Variants in KCP observed in about 807,000 individuals in gnomAD.
KCP encodes kielin cysteine rich BMP regulator.
Under a neutral mutation model 212.7 loss-of-function variants are expected in KCP, and 194 were observed. That is an observed-to-expected ratio of 0.91 (90% CI 0.81 to 1.03). The LOEUF is 1.03. Among genes scored for constraint, KCP ranks in the 50% least tolerant of loss-of-function variants. KCP has a pLI of 0.00. For missense variants in KCP, 2,080 were observed against 2,162.5 expected (o/e 0.96, Z 0.76); for synonymous variants, 833 against 865.3 (o/e 0.96, Z 0.65).
intron 38 of KCP, 83 bp from the exon 39 acceptor site, chr7:128,877,873 C>A: frequency 7.9e-7 from 1 of 1,270,808 alleles, no homozygotes; most frequent in African/African-American, 1.5e-5. Context: ...CACTTCCCAC[C>A]CAGTCATTTG....
chr7:128,897,371 T>C (rs1794589820), intron 8 of KCP, among the ~76,000 whole-genome samples: 1 of 152,222 alleles, frequency 6.6e-6, no homozygotes, highest in Non-Finnish European at 1.5e-5. Context: ...TACTTTCTCT[T>C]GGTCTCTGCC....
rs1038749227 is a variant in KCP at position 128,881,969 on chromosome 7, G to C, written c.3292C>G (p.Pro1098Ala). Residue 1098 changes from proline (P) to alanine (A), a missense_variant, in exon 30 of 40, where the codon CCA becomes GCA. Physicochemically the swap from Pro to Ala is conservative, Grantham distance 27 (BLOSUM62 -1). Coordinates refer to ENST00000610776, the MANE Select transcript of KCP (RefSeq NM_001366122.1). ...SEGLLGSELA[P>A]PDPCYTCQCQ... ...TGGCACGTGTAGCAGGGGTCTGGTGGGGCTAGCTCAGATCCCAGCAGGCCC... is the reference window on the plus strand; with the variant it reads ...TGGCACGTGTAGCAGGGGTCTGGTGCGGCTAGCTCAGATCCCAGCAGGCCC... 6.4e-7 allele frequency: 1 copy of C among 1,551,204 alleles called. No individual in the cohort carries two copies. Among genetic ancestry groups the C allele is most frequent in the African/African-American group, 1.4e-5 (1 of 73,006 alleles).
In KCP at chr7:128,891,800, C is replaced by T. The variant is rs1201592533; in HGVS notation, c.1641G>A (p.Glu547=). ...PRCPDCILEE[E]VFVDGESFSH... is the part of the protein sequence containing the mutation. ...AGAAGCTCTCGCCGTCCACAAACACCTCTTCCTCCAGGATGCAGTCTGGGC... is the reference window on the plus strand; with the variant it reads ...AGAAGCTCTCGCCGTCCACAAACACTTCTTCCTCCAGGATGCAGTCTGGGC... The change falls in exon 17 of 40, where the codon GAG becomes GAA. Residue 547 remains glutamate (E), a synonymous_variant. Transcript: ENST00000610776. 20 of 1,448,258 alleles carry T rather than the reference C, an allele frequency of 1.4e-5. 1 individual carries two copies. The South Asian group carries it at 3.0e-4, about 21-fold the overall frequency. The allele number at this position is 1,448,258 out of a possible 1,614,324, so 89.7% of individuals were successfully genotyped here. A position where few individuals can be genotyped will look rare whatever the true frequency, so the allele number is the denominator to read the frequency against.
Position 128,881,009 on chromosome 7 carries a change from G to A in KCP, c.3501C>T (p.Ala1167=). ...CACCCCAGCTCACATGGCAGGTGCAGGCGATGCACGCATTGCTGGGGTCCC... is the reference window on the plus strand; with the variant it reads ...CACCCCAGCTCACATGGCAGGTGCAAGCGATGCACGCATTGCTGGGGTCCC... The part of the protein sequence containing the change: ...SWRDPSNACI[A]CTCHRGHVEC... The change falls in exon 32 of 40, where the codon GCC becomes GCT. Residue 1167 remains alanine, a synonymous_variant. Transcript: ENST00000610776. The A allele has an allele frequency of 2.5e-6, 1 of 399,048 alleles. No individual in the cohort carries two copies. The allele number at this position is 399,048 out of a possible 1,614,324, so 24.7% of individuals were successfully genotyped here.
chr7:128,892,159 C>T (rs1167277072), intron 16 of KCP, among the ~76,000 whole-genome samples: 4 of 144,572 alleles, frequency 2.8e-5, no homozygotes, highest in Admixed American at 7.0e-5. Flanking sequence ...CGGCCTCCTA[C>T]GTGGCAGGCT....
intron 4 of KCP, 47 bp downstream of exon 4, chr7:128,907,054 G>A: frequency 2.0e-6 from 3 of 1,518,522 alleles, no homozygotes; most frequent in Non-Finnish European, 2.7e-6. Flanking sequence ...GGTAGCTGGA[G>A]AGAGGCAGAC....
intron 5 of KCP, among the ~76,000 whole-genome samples, chr7:128,904,638 T>C (rs1345131554): frequency 1.3e-5 from 2 of 152,196 alleles, no homozygotes; most frequent in Non-Finnish European, 2.9e-5. Context: ...GGCTGATTCC[T>C]TTACCTGGCA....
intron 4 of KCP, 99 bp downstream of exon 4, chr7:128,907,002 G>A: frequency 8.5e-7 from 1 of 1,175,828 alleles, no homozygotes. Context: ...GTGGCAGGCA[G>A]AGCCCATTAT....
chr7:128,891,554 A>G lies in KCP; in HGVS notation c.1796-21T>C. 2.6e-6 allele frequency: 4 copies of G among 1,543,890 alleles called. No individual in the cohort carries two copies. The East Asian group carries it at 7.3e-5, about 28-fold the overall frequency. ...ACAGCCTGGGGGAGGGAGGGGCTATAGCCTGGGAGAGGGCGACTGCCCCAG... is the reference window on the plus strand; with the variant it reads ...ACAGCCTGGGGGAGGGAGGGGCTATGGCCTGGGAGAGGGCGACTGCCCCAG... On this transcript the variant is annotated intron_variant, in intron 17 of 39. Coordinates refer to ENST00000610776, the MANE Select transcript of KCP (RefSeq NM_001366122.1).
Position 128,884,819 on chromosome 7 carries a change from G to A in KCP, c.3085C>T (p.Gln1029Ter). ...GRKYEPGESFQPGADPCEVCI... is the reference protein window; with the variant it reads ...GRKYEPGESF Reference sequence around the variant, plus strand: ...ACTTCACAGGGGTCTGCCCCAGGCTGGAAGCTCTCCCCAGGCTCGTACTTC... The same window carrying A: ...ACTTCACAGGGGTCTGCCCCAGGCTAGAAGCTCTCCCCAGGCTCGTACTTC... The change falls in exon 28 of 40, where the codon CAG (glutamine) becomes TAG (stop). Residue 1029 changes from glutamine to a stop codon, truncating the protein, a stop_gained. Transcript: ENST00000610776. LOFTEE classifies it high-confidence loss of function. 12 of 1,550,912 alleles carry A rather than the reference G, an allele frequency of 7.7e-6. No individual in the cohort carries two copies. Among genetic ancestry groups the A allele is most frequent in the East Asian group, 2.4e-5 (1 of 40,892 alleles).
rs1199550582 is a variant in KCP, at chr7:128,886,922, G to A, written c.2643C>T (p.Leu881=). The A allele has an allele frequency of 6.5e-7, 1 of 1,531,394 alleles. No homozygotes were observed. Among genetic ancestry groups the A allele is most frequent in the African/African-American group, 1.4e-5 (1 of 72,048 alleles). The allele number at this position is 1,531,394 out of a possible 1,614,324, so 94.9% of individuals were successfully genotyped here. ...RCQKKPCPPA[L]CPHPSPGPCF... ...AGGGGCCTGGAGAGGGGTGGGGGCA[G>A]AGAGCTGGGGGACATGGCTTCTTCT... The change falls in exon 24 of 40, where the codon CTC becomes CTT. Residue 881 remains leucine (L), a synonymous_variant. Transcript: ENST00000610776.
rs768127943 is a variant in KCP, at chr7:128,878,585, C to T, written c.4284G>A (p.Ser1428=). 3.7e-5 allele frequency: 57 copies of T among 1,551,316 alleles called. No individual in the cohort carries two copies. The highest frequency in any genetic ancestry group is 8.3e-5 in the South Asian group (7 of 84,062). ...LQGPEGLLLP[S]EAAFGNSWQV... is the part of the protein sequence containing the mutation. ...GCCAGCTATTCCCAAACGCAGCCTC[C>T]GAGGGCAGGAGCAGCCCCTCAGGGC... Residue 1428 remains serine, a synonymous_variant, in exon 38 of 40, where the codon TCG becomes TCA. Transcript: ENST00000610776.
chr7:128,885,149 G>A lies in KCP; in HGVS notation c.2988C>T (p.Ser996=). 4 of 1,550,862 alleles carry A rather than the reference G, an allele frequency of 2.6e-6. No homozygotes were observed. Among genetic ancestry groups the A allele is most frequent in the Non-Finnish European group, 3.5e-6 (4 of 1,147,000 alleles). ...GCCCTTGGCGGGGCTGGGCGCAAGA[G>A]CTGATGCACTGGATGCGTGCACAGG... The part of the protein sequence containing the change: ...VVTCARIQCI[S]SCAQPRQGPH... The change falls in exon 27 of 40, where the codon AGC becomes AGT. Residue 996 remains serine (S), a synonymous_variant. Transcript: ENST00000610776.
chr7:128,904,427 CCT>C, intron 5 of KCP: 1 of 1,354,170 alleles, frequency 7.4e-7, no homozygotes, highest in Non-Finnish European at 1.0e-6. Context: ...CACCATCCTC[CCT>C]CTTTCTCTCT....
rs189408649 is a variant in KCP at position 128,881,916 on chromosome 7, C to G, written c.3324+21G>C. On this transcript the variant is annotated intron_variant, in intron 30 of 39. Coordinates refer to ENST00000610776, the MANE Select transcript of KCP (RefSeq NM_001366122.1). ...AAGGAAGAAGAGGGGCTCTGTGAGT[C>G]CCCAAGGCAGGAGGGCTCACCTGGC... 2.8e-4 allele frequency: 430 copies of G among 1,549,856 alleles called. 1 individual carries two copies. The African/African-American group carries it at 5.0e-3, about 18-fold the overall frequency.
intron 16 of KCP, 37 bp downstream of exon 16, chr7:128,892,477 G>GA: frequency 7.0e-7 from 1 of 1,427,020 alleles, no homozygotes; most frequent in Non-Finnish European, 9.4e-7. Flanking sequence ...AGCCTCTGGG[G>GA]CCCTGATCCC....
Position 128,908,560 on chromosome 7 carries a change from C to G in KCP, c.85G>C (p.Val29Leu). 1 of 1,550,610 alleles carries G rather than the reference C, an allele frequency of 6.4e-7. No individual in the cohort carries two copies. Residue 29 changes from valine to leucine, a missense_variant, in exon 2 of 40, where the codon GTC (valine) becomes CTC (leucine). Physicochemically the swap from Val to Leu is conservative, Grantham distance 32. Transcript: ENST00000610776. ...ALAAGAEGGA[V>L]PREPPGQQTT... ...TGCTGCCCAGGGGGCTCCCTGGGGACAGCCCCACCTGAAGGGCACAAGAAT... is the reference window on the plus strand; with the variant it reads ...TGCTGCCCAGGGGGCTCCCTGGGGAGAGCCCCACCTGAAGGGCACAAGAAT...
Position 128,886,444 on chromosome 7 carries a change from A to G in KCP, c.2866+20T>C, listed in dbSNP as rs1414160548. On this transcript the variant is annotated intron_variant, in intron 26 of 39. Transcript: ENST00000610776. Reference sequence around the variant, plus strand: ...GGGCCAAGGGGCTGAAGCAAGGGGTAGGGCTACAGGCGGCCATACCTCTGC... The same window carrying G: ...GGGCCAAGGGGCTGAAGCAAGGGGTGGGGCTACAGGCGGCCATACCTCTGC... 2.0e-6 allele frequency: 3 copies of G among 1,532,410 alleles called. No individual in the cohort carries two copies. Among genetic ancestry groups the G allele is most frequent in the Non-Finnish European group, 2.6e-6 (3 of 1,134,372 alleles). The allele number at this position is 1,532,410 out of a possible 1,614,324, so 94.9% of individuals were successfully genotyped here.
chr7:128,907,468 T>A lies in KCP; in HGVS notation c.220-15A>T, dbSNP rs1322621359. 1 of 1,453,532 alleles carries A rather than the reference T, an allele frequency of 6.9e-7. No homozygotes were observed. The highest frequency in any genetic ancestry group is 9.1e-7 in the Non-Finnish European group (1 of 1,093,974). The allele number at this position is 1,453,532 out of a possible 1,614,324, so 90.0% of individuals were successfully genotyped here. A position where few individuals can be genotyped will look rare whatever the true frequency, so the allele number is the denominator to read the frequency against. Reference sequence around the variant, plus strand: ...AGGTCCTTATTCTGGAGGAAGGAGATGGAATAGCAGGCACTGGCTCAGCTT... The same window carrying A: ...AGGTCCTTATTCTGGAGGAAGGAGAAGGAATAGCAGGCACTGGCTCAGCTT... On this transcript the variant is annotated splice_polypyrimidine_tract_variant and intron_variant, in intron 2 of 39. Coordinates refer to ENST00000610776, the MANE Select transcript of KCP (RefSeq NM_001366122.1).
Sources: allele counts gnomAD v4.1 joint callset (sites outside exome capture counted in the v4.1 genomes callset), GRCh38; gene constraint gnomAD v4.1.1; transcripts MANE v1.5; gene names NCBI Gene and HGNC (gene_info 2026-07-23, HGNC 2026-07-21).